Variants in CRHR2 observed in about 807,000 individuals in gnomAD.
CRHR2 encodes corticotropin-releasing hormone receptor 2.
Under a neutral mutation model 57.9 loss-of-function variants are expected in CRHR2, and 53 were observed. The observed-to-expected ratio is 0.92, with a 90% CI of 0.73 to 1.15. The LOEUF is 1.15. Ranked by LOEUF, CRHR2 falls within the 50% of genes most tolerant of loss-of-function variation. CRHR2 has a pLI of 0.00. For synonymous variants in CRHR2, 213 were observed against 220.9 expected, an observed-to-expected ratio of 0.96 and a Z score of 0.32; for missense variants, 532 against 542.6, an observed-to-expected ratio of 0.98 and a Z score of 0.19.
upstream of CRHR2, chr7:30,686,487 G>C: frequency 2.6e-6 from 4 of 1,515,940 alleles, no homozygotes; most frequent in South Asian, 4.9e-5. Context: ...GTTGCATTGA[G>C]GAATTATTTC....
At position 30,665,609 on chromosome 7, in the gene CRHR2, C is replaced by T. The variant is rs200310748; in HGVS notation, c.346G>A (p.Ala116Thr). The T allele has an allele frequency of 2.4e-5, 38 of 1,561,048 alleles. No homozygotes were observed. Among genetic ancestry groups the T allele is most frequent in the East Asian group, 4.8e-5 (2 of 41,594 alleles). ...TGGCCCAGGTAGTTGACGACAAGGG[C>T]GATGCGGTAGTGCAGGTCATACTTC... ...QRKYDLHYRIALVVNYLGHCV... is the reference protein window; with the variant it reads ...QRKYDLHYRITLVVNYLGHCV... The change falls in exon 4 of 12, where the codon GCC (alanine) becomes ACC (threonine). Residue 116 changes from alanine (A) to threonine (T), a missense_variant. Ala to Thr is a moderately conservative substitution (Grantham distance 58). Coordinates refer to ENST00000471646, the MANE Select transcript of CRHR2 (RefSeq NM_001883.5). The surrounding 1 kb of genome is among the most constrained non-coding windows in gnomAD (Gnocchi z 4.5).
At chr7:30,673,469 C>T (rs756920837) in intron 2 of CRHR2, among the ~76,000 whole-genome samples, 20 of 152,196 alleles carry the variant, frequency 1.3e-4, no homozygotes, top group Non-Finnish European at 2.8e-4. Context: ...CCTCCTGCCT[C>T]AGCCTCCCAA....
At chr7:30,685,169 G>A (rs191600650), upstream of CRHR2, among the ~76,000 whole-genome samples, 5 of 152,262 alleles carry the variant, frequency 3.3e-5, no homozygotes, top group East Asian at 9.6e-4. Flanking sequence ...CCATCCCATG[G>A]CCCACCTCTG....
Position 30,652,123 on chromosome 7 carries a change from G to T in CRHR2, c.*1337C>A, listed in dbSNP as rs1007926385. On this transcript the variant is annotated 3_prime_UTR_variant, in exon 12 of 12. Coordinates refer to ENST00000471646, the MANE Select transcript of CRHR2 (RefSeq NM_001883.5). The surrounding 1 kb of genome is among the most constrained non-coding windows in gnomAD (Gnocchi z 4.4). ...TTTGTAGGGGGTACCTAGAGCATTG[G>T]TTTCTTTTGGAAGAAATGGCCTGAT... 1 of 152,218 alleles carries T rather than the reference G, an allele frequency of 6.6e-6. No homozygotes were observed. Among genetic ancestry groups the T allele is most frequent in the African/African-American group, 2.4e-5 (1 of 41,448 alleles). The allele number at this position is 152,218 out of a possible 1,614,324, so 9.4% of individuals were successfully genotyped here. A position where few individuals can be genotyped will look rare whatever the true frequency, so the allele number is the denominator to read the frequency against.
At chr7:30,690,502 C>T (rs1784940095) in intron 1 of CRHR2, among the ~76,000 whole-genome samples, 1 of 152,084 alleles carries the variant, frequency 6.6e-6, no homozygotes, top group Non-Finnish European at 1.5e-5. Context: ...TCTGGGATTC[C>T]AGAAGACACT....
In CRHR2 at chr7:30,665,540, G is replaced by C. The variant is rs1405305289; in HGVS notation, c.415C>G (p.Leu139Val). ...AALVAAFLLF[L>V]ALRSIRCLRN... Reference sequence around the variant, plus strand: ...GAAGGGCAGACTCACCGCAGGGCCAGGAAAAGCAGGAAGGCGGCCACCAGG... The same window carrying C: ...GAAGGGCAGACTCACCGCAGGGCCACGAAAAGCAGGAAGGCGGCCACCAGG... Residue 139 changes from leucine (L) to valine (V), a missense_variant, in exon 4 of 12, where the codon CTG (leucine) becomes GTG (valine). By Grantham distance (32) the Leu-to-Val change is conservative. Coordinates refer to ENST00000471646, the MANE Select transcript of CRHR2 (RefSeq NM_001883.5). This position sits in a 1 kb window ranked among gnomAD's most constrained non-coding sequence, Gnocchi z 4.5. 1 of 1,559,252 alleles carries C rather than the reference G, an allele frequency of 6.4e-7. No individual in the cohort carries two copies. The highest frequency in any genetic ancestry group is 8.7e-7 in the Non-Finnish European group (1 of 1,150,934).
chr7:30,685,584 C>T (rs1411765351), upstream of CRHR2, among the ~76,000 whole-genome samples: 1 of 152,000 alleles, frequency 6.6e-6, no homozygotes, highest in African/African-American at 2.4e-5. Context: ...GCCAGGCACC[C>T]CCTCCTCACC....
chr7:30,671,528 G>A (rs1411022877), intron 2 of CRHR2, among the ~76,000 whole-genome samples: 1 of 151,454 alleles, frequency 6.6e-6, no homozygotes, highest in Non-Finnish European at 1.5e-5. Context: ...GGCTGGATAT[G>A]GTGGCTCATG....
In CRHR2 at chr7:30,656,962, C is replaced by G. The variant is rs1258436420; in HGVS notation, c.832-950G>C. Among the ~76,000 whole-genome samples the G allele has an allele frequency of 6.6e-6, 1 of 152,122 alleles. No homozygotes were observed. The highest frequency in any genetic ancestry group is 1.5e-5 in the Non-Finnish European group (1 of 68,012). Reference sequence around the variant, plus strand: ...CTGCCTCCGAGCATAGGCAGGCAGGCAGGCAAGGGAGTGTGTGTCGGCCTG... The same window carrying G: ...CTGCCTCCGAGCATAGGCAGGCAGGGAGGCAAGGGAGTGTGTGTCGGCCTG... On this transcript the variant is annotated intron_variant, in intron 8 of 11. Coordinates refer to ENST00000471646, the MANE Select transcript of CRHR2 (RefSeq NM_001883.5). The surrounding 1 kb of genome is among the most constrained non-coding windows in gnomAD (Gnocchi z 4.4).
intron 8 of CRHR2, 55 bp downstream of exon 8, chr7:30,660,518 C>A: frequency 6.6e-7 from 1 of 1,524,814 alleles, no homozygotes; most frequent in Admixed American, 2.0e-5. Context: ...CCTGGGTGGG[C>A]CCTCTTCTGT....
At chr7:30,661,083 T>C (rs573741804) in intron 7 of CRHR2, among the ~76,000 whole-genome samples, 33 of 152,220 alleles carry the variant, frequency 2.2e-4, no homozygotes, top group Non-Finnish European at 4.6e-4. Flanking sequence ...AAGCAGCAGA[T>C]GTGGAAGTGG....
Position 30,664,949 on chromosome 7 carries a change from C to A in CRHR2, c.543+121G>T. ...AAGCTGCTCAAGAAGAAGAGGGCTG[C>A]TTTAGCAGGTAGTGAGCTTCCTGAC... is the stretch of plus-strand genomic sequence containing the variant. On this transcript the variant is annotated intron_variant, in intron 5 of 11. Transcript: ENST00000471646. 5 of 773,230 alleles carry A rather than the reference C, an allele frequency of 6.5e-6. No homozygotes were observed. The Admixed American group carries it at 9.4e-5, about 15-fold the overall frequency. 47.9% of individuals were successfully genotyped at this position (773,230 alleles called of 1,614,324 possible).
At chr7:30,654,786 T>A in intron 11 of CRHR2, 1 of 1,537,298 alleles carries the variant, frequency 6.5e-7, no homozygotes, top group Non-Finnish European at 8.7e-7. Flanking sequence ...CCCTGCGGCC[T>A]GGGCTTCCTT....
chr7:30,692,007 G>T (rs1784970581), intron 1 of CRHR2, among the ~76,000 whole-genome samples: 1 of 152,194 alleles, frequency 6.6e-6, no homozygotes, highest in African/African-American at 2.4e-5. Flanking sequence ...ATCCCAGTGT[G>T]CAGAGTTCTG....
At chr7:30,663,282 A>G (rs1479076201) in intron 5 of CRHR2, among the ~76,000 whole-genome samples, 4 of 152,196 alleles carry the variant, frequency 2.6e-5, no homozygotes, top group Non-Finnish European at 5.9e-5. Flanking sequence ...AAATGAAAAA[A>G]TAAAAGTGAG....
At chr7:30,684,033 A>C (rs532950015), upstream of CRHR2, among the ~76,000 whole-genome samples, 26 of 152,162 alleles carry the variant, frequency 1.7e-4, no homozygotes, top group Non-Finnish European at 3.7e-4. Context: ...GAATCTCTCC[A>C]GGGCCTGCTG....
intron 2 of CRHR2, among the ~76,000 whole-genome samples, chr7:30,687,513 GATATGAGGCATT>G (rs1239602459): frequency 1.3e-5 from 2 of 152,090 alleles, no homozygotes; most frequent in Non-Finnish European, 2.9e-5. Flanking sequence ...ATTCTTGAGG[GATATGAGGCATT>G]ATAAAAATTC....
intron 8 of CRHR2, among the ~76,000 whole-genome samples, chr7:30,657,053 G>T (rs1783814949): frequency 6.6e-6 from 1 of 151,848 alleles, no homozygotes; most frequent in Non-Finnish European, 1.5e-5. Context: ...TAGCCCAGGG[G>T]TGTCTGCTGG....
intron 2 of CRHR2, among the ~76,000 whole-genome samples, chr7:30,672,583 A>T (rs1338495090): frequency 6.6e-6 from 1 of 152,238 alleles, no homozygotes; most frequent in African/African-American, 2.4e-5. Flanking sequence ...TGCATGGCAA[A>T]TACAAAACAG....
Sources: gnomAD v4.1 joint callset for allele counts (sites outside exome capture counted in the v4.1 genomes callset) on GRCh38, gnomAD v4.1.1 for gene constraint, Gnocchi (gnomAD v3.1) non-coding constraint, MANE v1.5 for transcripts, NCBI Gene and HGNC (gene_info 2026-07-23, HGNC 2026-07-21) for gene names.